GPC5: variants seen among roughly 807,000 people sequenced by gnomAD.
GPC5 encodes the protein glypican-5.
GPC5 carries 47 observed loss-of-function variants against 53.9 expected under a neutral mutation model. The observed-to-expected ratio is 0.87, with a 90% CI of 0.69 to 1.11. The LOEUF is 1.11. GPC5 is among the 50% of genes most tolerant of loss of function. The pLI is 0.00. For synonymous variants in GPC5, 286 were observed against 263.3 expected (o/e 1.09, Z -0.84); for missense variants, 748 against 713.1 (o/e 1.05, Z -0.56).
chr13:92,063,934 A>G (rs2352486), intron 6 of GPC5, among the ~76,000 whole-genome samples: 84,726 of 151,976 alleles, frequency 0.56, 23,953 homozygotes, highest in East Asian at 0.79. Context: ...TATTATTTAC[A>G]AGTGACACTT....
chr13:91,689,265 A>T (rs1014436847), intron 2 of GPC5, among the ~76,000 whole-genome samples: 1 of 141,532 alleles, frequency 7.1e-6, no homozygotes, highest in Non-Finnish European at 1.5e-5. Flanking sequence ...TTTTTTTTAA[A>T]AAAGGTACAC....
intron 2 of GPC5, among the ~76,000 whole-genome samples, chr13:91,563,990 C>T (rs921499083): frequency 6.6e-6 from 1 of 152,028 alleles, no homozygotes; most frequent in South Asian, 2.1e-4. Flanking sequence ...CCTTGGTGTC[C>T]CACTCTTGAC....
chr13:92,175,560 C>A (rs747865035), intron 7 of GPC5, among the ~76,000 whole-genome samples: 1 of 151,956 alleles, frequency 6.6e-6, no homozygotes, highest in Non-Finnish European at 1.5e-5. Flanking sequence ...AGTTGGTGGG[C>A]GCCCCTTTGG....
intron 7 of GPC5, among the ~76,000 whole-genome samples, chr13:92,364,448 TG>T (rs2043591966): frequency 6.6e-6 from 1 of 151,826 alleles, no homozygotes; most frequent in Admixed American, 6.5e-5. Context: ...AAGGCATTTT[TG>T]GCCAGGCGCG....
chr13:91,637,413 G>A (rs149165321), intron 2 of GPC5, among the ~76,000 whole-genome samples: 32 of 152,236 alleles, frequency 2.1e-4, no homozygotes, highest in African/African-American at 7.2e-4. Flanking sequence ...AATGTTAAAT[G>A]TTTTCCAGAA....
intron 5 of GPC5, among the ~76,000 whole-genome samples, chr13:91,794,252 G>C (rs1018611195): frequency 6.6e-6 from 1 of 152,110 alleles, no homozygotes. Context: ...TTAGACTAGT[G>C]AGACAGTAGA....
intron 6 of GPC5, among the ~76,000 whole-genome samples, chr13:92,139,051 G>A (rs758311840): frequency 1.1e-4 from 16 of 152,210 alleles, no homozygotes; most frequent in Non-Finnish European, 1.8e-4. Context: ...TAGTAACTAG[G>A]ATGGCAACAC....
At chr13:92,105,271 A>C (rs746224469) in intron 6 of GPC5, among the ~76,000 whole-genome samples, 6 of 152,130 alleles carry the variant, frequency 3.9e-5, no homozygotes, top group Non-Finnish European at 8.8e-5. Flanking sequence ...TCTATTTTGC[A>C]AGTAATCAAT....
chr13:92,122,200 G>T (rs1424173746), intron 6 of GPC5, among the ~76,000 whole-genome samples: 2 of 152,072 alleles, frequency 1.3e-5, no homozygotes, highest in African/African-American at 4.8e-5. Context: ...AGGCAATTTA[G>T]GGTGCCTTTT....
chr13:91,436,150 T>C (rs900945019), intron 1 of GPC5, among the ~76,000 whole-genome samples: 6 of 152,142 alleles, frequency 3.9e-5, no homozygotes, highest in African/African-American at 1.4e-4. Context: ...CCTGGATTCA[T>C]TGATTTTTTG....
At chr13:92,142,361 G>A (rs1863028137) in intron 6 of GPC5, among the ~76,000 whole-genome samples, 1 of 152,234 alleles carries the variant, frequency 6.6e-6, no homozygotes, top group East Asian at 1.9e-4. Flanking sequence ...AGCCCCAGGG[G>A]TTAAGGTGGA....
At chr13:91,883,824 A>G (rs1300314611) in intron 5 of GPC5, among the ~76,000 whole-genome samples, 1 of 152,086 alleles carries the variant, frequency 6.6e-6, no homozygotes, top group African/African-American at 2.4e-5. Flanking sequence ...GTACGTGTGC[A>G]GGTTTGTTAT....
At chr13:92,380,259 C>T (rs557024414) in intron 7 of GPC5, among the ~76,000 whole-genome samples, 2 of 152,242 alleles carry the variant, frequency 1.3e-5, no homozygotes, top group South Asian at 2.1e-4. Context: ...CCTCTTCATT[C>T]GCTTGGCCCC....
intron 5 of GPC5, among the ~76,000 whole-genome samples, chr13:91,875,556 C>G (rs931624454): frequency 6.6e-6 from 1 of 152,036 alleles, no homozygotes; most frequent in Admixed American, 6.6e-5. Flanking sequence ...TGTTATTGAA[C>G]ATTTTTTTCC....
At chr13:92,438,382 A>AT (rs1566590530) in intron 7 of GPC5, among the ~76,000 whole-genome samples, 148 of 18,074 alleles carry the variant, frequency 8.2e-3, no homozygotes, top group African/African-American at 0.024. Flanking sequence ...AAAGCAAAAT[A>AT]AATATATATA....
At chr13:91,525,921 A>G (rs946597459) in intron 2 of GPC5, among the ~76,000 whole-genome samples, 18 of 152,336 alleles carry the variant, frequency 1.2e-4, no homozygotes, top group African/African-American at 4.1e-4. Flanking sequence ...GAAGTGGAAC[A>G]CTGAACATTT....
chr13:92,719,167 GC>G (rs34229037), intron 7 of GPC5, among the ~76,000 whole-genome samples: 63 of 147,500 alleles, frequency 4.3e-4, no homozygotes, highest in African/African-American at 1.4e-3. Context: ...GATTCCTATA[GC>G]CCCCCCCCAC....
At chr13:91,477,503 T>C (rs1882999502) in intron 2 of GPC5, among the ~76,000 whole-genome samples, 1 of 152,172 alleles carries the variant, frequency 6.6e-6, no homozygotes, top group African/African-American at 2.4e-5. Flanking sequence ...GGCATTTGCA[T>C]TGAGGAAGCA....
intron 7 of GPC5, among the ~76,000 whole-genome samples, chr13:92,348,963 A>T (rs1018780636): frequency 1.6e-4 from 25 of 151,948 alleles, no homozygotes; most frequent in Non-Finnish European, 3.1e-4. Context: ...ATGTTTACCT[A>T]AAAAAAACCC....
Sources: gnomAD v4.1 joint callset for allele counts (sites outside exome capture counted in the v4.1 genomes callset) on GRCh38, gnomAD v4.1.1 for gene constraint, MANE v1.5 for transcripts, NCBI Gene and HGNC (gene_info 2026-07-23, HGNC 2026-07-21) for gene names.